The following KRT31 variants were observed in gnomAD, a reference collection of about 807,000 sequenced individuals.
KRT31 encodes the protein keratin 31, also known as keratin, type I cuticular Ha1.
KRT31 carries 27 observed loss-of-function variants against 40.8 expected under a neutral mutation model. The observed-to-expected ratio is 0.66, with a 90% CI of 0.49 to 0.91. The LOEUF (loss-of-function observed/expected upper bound fraction) is 0.91, where lower values mean the gene tolerates loss of function less well. Ranked by LOEUF, KRT31 falls within the 40% of genes least tolerant of loss-of-function variation. The pLI, the probability that KRT31 is intolerant of heterozygous loss-of-function variation, is 0.00. For missense variants in KRT31, 510 were observed against 544.1 expected, an observed-to-expected ratio of 0.94 and a Z score of 0.62; for synonymous variants, 231 against 231.9, an observed-to-expected ratio of 1.00 and a Z score of 0.03.
rs755526131 is a variant in KRT31 at position 41,393,801 on chromosome 17, T to C, written c.*215A>G. 5.6e-6 allele frequency: 3 copies of C among 538,316 alleles called. No homozygotes were observed. The highest frequency in any genetic ancestry group is 9.7e-6 in the Non-Finnish European group (3 of 310,650). 33.3% of individuals were successfully genotyped at this position (538,316 alleles called of 1,614,324 possible). The stretch of plus-strand genomic sequence containing the variant: ...CATCAGAGAGTTCTCTGGGTGAGCA[T>C]AGGAAGGAACAGACCCCCAGGAAGG... On this transcript the variant is annotated 3_prime_UTR_variant, in exon 7 of 7. Coordinates refer to ENST00000251645, the MANE Select transcript of KRT31 (RefSeq NM_002277.3).
In KRT31 at chr17:41,396,356, T is replaced by C. The variant is rs1047883466; in HGVS notation, c.588+64A>G. 2.0e-6 allele frequency: 3 copies of C among 1,530,248 alleles called. No homozygotes were observed. In the African/African-American group the frequency reaches 4.1e-5, roughly 21 times the overall value. 94.8% of individuals were successfully genotyped at this position (1,530,248 alleles called of 1,614,324 possible). A position where few individuals can be genotyped will look rare whatever the true frequency, so the allele number is the denominator to read the frequency against. ...ATACTCTGCATTCTGCTGCCCCAAATCACTAAAGCAACCCTGAGCCAGAGG... is the reference window on the plus strand; with the variant it reads ...ATACTCTGCATTCTGCTGCCCCAAACCACTAAAGCAACCCTGAGCCAGAGG... On this transcript the variant is annotated intron_variant, in intron 3 of 6. Coordinates refer to ENST00000251645, the MANE Select transcript of KRT31 (RefSeq NM_002277.3).
In KRT31 at chr17:41,397,374, C is replaced by G. The variant is rs2018249433; in HGVS notation, c.166G>C (p.Glu56Gln). 1 of 1,613,250 alleles carries G rather than the reference C, an allele frequency of 6.2e-7. No homozygotes were observed. Among genetic ancestry groups the G allele is most frequent in the Non-Finnish European group, 8.5e-7 (1 of 1,180,056 alleles). Residue 56 changes from glutamate to glutamine, a missense_variant, in exon 1 of 7, where the codon GAG becomes CAG. Physicochemically the swap from Glu to Gln is conservative, Grantham distance 29 (BLOSUM62 2). Transcript: ENST00000251645. ...WFCEGSFNGS[E>Q]KETMQFLNDR... ...TTCAGGAACTGCATAGTCTCCTTCT[C>G]GCTACCATTGAAGGAGCCCTCGCAG... is the stretch of plus-strand genomic sequence containing the variant.
intron 6 of KRT31, among the ~76,000 whole-genome samples, 197 bp downstream of exon 6, chr17:41,394,651 T>C (rs2018186703): frequency 1.3e-5 from 2 of 152,212 alleles, no homozygotes; most frequent in African/African-American, 2.4e-5. Flanking sequence ...GCAATTTCAG[T>C]TTGTACATCA....
Position 41,394,137 on chromosome 17 carries a change from G to A in KRT31, c.1130C>T (p.Ala377Val), listed in dbSNP as rs34293483. 1,042 of 1,612,432 alleles carry A rather than the reference G, an allele frequency of 6.5e-4. 5 individuals carry two copies. The African/African-American group carries it at 0.012, about 18-fold the overall frequency. The change falls in exon 7 of 7, where the codon GCG becomes GTG. Residue 377 changes from alanine to valine, a missense_variant. Physicochemically the swap from Ala to Val is moderately conservative, Grantham distance 64 (BLOSUM62 0). Coordinates refer to ENST00000251645, the MANE Select transcript of KRT31 (RefSeq NM_002277.3). Reference protein sequence around the residue: ...LPSNPCATTNACSKPIGPCLS... With the variant: ...LPSNPCATTNVCSKPIGPCLS... ...ACAGGGTCCGATGGGCTTGCTGCAC[G>A]CGTTGGTCGTGGCACAGGGATTGCT...
At chr17:41,394,236 T>A in intron 6 of KRT31, 67 bp from the exon 7 acceptor site, 2 of 1,562,872 alleles carry the variant, frequency 1.3e-6, no homozygotes, top group Non-Finnish European at 1.8e-6. Context: ...GCCAGAGATA[T>A]CCCCAAGGGT....
intron 5 of KRT31, 30 bp downstream of exon 5, chr17:41,395,215 C>T (rs777175784): frequency 1.2e-5 from 19 of 1,612,278 alleles, no homozygotes; most frequent in African/African-American, 6.7e-5. Flanking sequence ...AAGTTCCCGT[C>T]GCTCACCAGC....
chr17:41,397,342 G>A lies in KRT31; in HGVS notation c.198C>T (p.Arg66=), dbSNP rs2144360511. 2 of 1,613,870 alleles carry A rather than the reference G, an allele frequency of 1.2e-6. No individual in the cohort carries two copies. The highest frequency in any genetic ancestry group is 2.7e-5 in the African/African-American group (2 of 75,062). The change falls in exon 1 of 7, where the codon CGC becomes CGT. Residue 66 remains arginine, a synonymous_variant. Transcript: ENST00000251645. ...GCACTTTCTCCAGGTAGCTGGCCAG[G>A]CGGTCGTTCAGGAACTGCATAGTCT... ...EKETMQFLND[R]LASYLEKVRQ... is the part of the protein sequence containing the mutation.
Position 41,394,024 on chromosome 17 carries a change from C to G in KRT31, c.1243G>C (p.Val415Leu), listed in dbSNP as rs757305941. The G allele has an allele frequency of 1.2e-6, 2 of 1,612,936 alleles. No homozygotes were observed. The highest frequency in any genetic ancestry group is 1.7e-6 in the Non-Finnish European group (2 of 1,179,766). ...RPRCGPCNSF[V>L]R Reference sequence around the variant, plus strand: ...CTGGCATTCCCTAGGTTCTAGCGCACGAAGGAATTGCAGGGCCCACAGCGG... The same window carrying G: ...CTGGCATTCCCTAGGTTCTAGCGCAGGAAGGAATTGCAGGGCCCACAGCGG... Residue 415 changes from valine (V) to leucine (L), a missense_variant, in exon 7 of 7, where the codon GTG becomes CTG. Val to Leu is a conservative substitution (Grantham distance 32). Transcript: ENST00000251645.
intron 6 of KRT31, among the ~76,000 whole-genome samples, chr17:41,394,403 C>A (rs2018183797): frequency 6.6e-6 from 1 of 152,160 alleles, no homozygotes; most frequent in African/African-American, 2.4e-5. Context: ...ACTCTCAAAT[C>A]CATTCATGCC....
chr17:41,396,887 A>G (rs759321355), intron 2 of KRT31, 26 bp downstream of exon 2: 2 of 1,564,886 alleles, frequency 1.3e-6, no homozygotes, highest in Non-Finnish European at 1.8e-6. Context: ...AGCAATTGAC[A>G]CTAGTGCAAA....
rs1158170484 is a variant in KRT31 at position 41,397,002 on chromosome 17, A to G, written c.349-7T>C. ...CAGACTTGGTACACAGGATCTGGGGAGTGAGAGGTGGCTTAGTGAGGACTG... is the reference window on the plus strand; with the variant it reads ...CAGACTTGGTACACAGGATCTGGGGGGTGAGAGGTGGCTTAGTGAGGACTG... On this transcript the variant is annotated splice_polypyrimidine_tract_variant and splice_region_variant and intron_variant, in intron 1 of 6. Coordinates refer to ENST00000251645, the MANE Select transcript of KRT31 (RefSeq NM_002277.3). 5 of 1,612,030 alleles carry G rather than the reference A, an allele frequency of 3.1e-6. No homozygotes were observed. The highest frequency in any genetic ancestry group is 4.2e-6 in the Non-Finnish European group (5 of 1,178,328).
At chr17:41,396,292 A>G (rs739682) in intron 3 of KRT31, 128 bp downstream of exon 3, 211,846 of 832,868 alleles carry the variant, frequency 0.25, 27,677 homozygotes, top group East Asian at 0.35. Flanking sequence ...TTTTTCTCTT[A>G]CCGTGATGTT....
In KRT31 at chr17:41,397,000, G is replaced by A. The variant is rs751255702; in HGVS notation, c.349-5C>T. The A allele has an allele frequency of 3.1e-6, 5 of 1,612,606 alleles. No individual in the cohort carries two copies. The East Asian group carries it at 8.9e-5, about 29-fold the overall frequency. On this transcript the variant is annotated splice_polypyrimidine_tract_variant and splice_region_variant and intron_variant, in intron 1 of 6. Transcript: ENST00000251645. Reference sequence around the variant, plus strand: ...CTCAGACTTGGTACACAGGATCTGGGGAGTGAGAGGTGGCTTAGTGAGGAC... The same window carrying A: ...CTCAGACTTGGTACACAGGATCTGGAGAGTGAGAGGTGGCTTAGTGAGGAC...
At chr17:41,395,668 T>C in intron 3 of KRT31, 45 bp from the exon 4 acceptor site, 1 of 1,590,830 alleles carries the variant, frequency 6.3e-7, no homozygotes, top group South Asian at 1.1e-5. Context: ...CAGCAAAGAA[T>C]GAACTCTAAG....
Position 41,397,473 on chromosome 17 carries a change from G to T in KRT31, c.67C>A (p.Pro23Thr). The change falls in exon 1 of 7, where the codon CCC (proline) becomes ACC (threonine). Residue 23 changes from proline to threonine, a missense_variant. Transcript: ENST00000251645. ...AGGGTGCAGCTGTGGCAGCTGGGGGGCACGCAGGGCCGGGAGGAGCAGCTG... is the reference window on the plus strand; with the variant it reads ...AGGGTGCAGCTGTGGCAGCTGGGGGTCACGCAGGGCCGGGAGGAGCAGCTG... ...RTSCSSRPCV[P>T]PSCHSCTLPG... The T allele has an allele frequency of 6.2e-7, 1 of 1,613,176 alleles. No individual in the cohort carries two copies. Among genetic ancestry groups the T allele is most frequent in the South Asian group, 1.1e-5 (1 of 91,024 alleles).
Position 41,395,256 on chromosome 17 carries a change from G to C in KRT31, c.865C>G (p.Gln289Glu). The stretch of plus-strand genomic sequence containing the variant: ...TGAACAATACACACCAGGTTGTGCT[G>C]GGCCTGCAGCTCGATCTCCAGGGCG... ...VNALEIELQA[Q>E]HNLRDSLENT... is the part of the protein sequence containing the mutation. The change falls in exon 5 of 7, where the codon CAG becomes GAG. Residue 289 changes from glutamine to glutamate, a missense_variant. Gln to Glu is a conservative substitution (Grantham distance 29). Coordinates refer to ENST00000251645, the MANE Select transcript of KRT31 (RefSeq NM_002277.3). The C allele has an allele frequency of 3.1e-6, 5 of 1,612,728 alleles. No homozygotes were observed. The highest frequency in any genetic ancestry group is 3.4e-6 in the Non-Finnish European group (4 of 1,180,040).
At position 41,397,324 on chromosome 17, in the gene KRT31, C is replaced by T. The variant is rs750804053; in HGVS notation, c.216G>A (p.Glu72=). Reference sequence around the variant, plus strand: ...TGTCCCGCTCCAGCTGACGCACTTTCTCCAGGTAGCTGGCCAGGCGGTCGT... The same window carrying T: ...TGTCCCGCTCCAGCTGACGCACTTTTTCCAGGTAGCTGGCCAGGCGGTCGT... ...FLNDRLASYL[E]KVRQLERDNA... Residue 72 remains glutamate, a synonymous_variant, in exon 1 of 7, where the codon GAG becomes GAA. Coordinates refer to ENST00000251645, the MANE Select transcript of KRT31 (RefSeq NM_002277.3). 6.2e-7 allele frequency: 1 copy of T among 1,614,144 alleles called. No homozygotes were observed. Among genetic ancestry groups the T allele is most frequent in the South Asian group, 1.1e-5 (1 of 91,074 alleles).
chr17:41,393,815 C>A lies in KRT31; in HGVS notation c.*201G>T. The A allele has an allele frequency of 3.5e-6, 2 of 565,740 alleles. No individual in the cohort carries two copies. Among genetic ancestry groups the A allele is most frequent in the South Asian group, 4.7e-5 (2 of 42,376 alleles). The allele number at this position is 565,740 out of a possible 1,614,324, so 35.0% of individuals were successfully genotyped here. On this transcript the variant is annotated 3_prime_UTR_variant, in exon 7 of 7. Coordinates refer to ENST00000251645, the MANE Select transcript of KRT31 (RefSeq NM_002277.3). The stretch of plus-strand genomic sequence containing the variant: ...CTGGGTGAGCATAGGAAGGAACAGA[C>A]CCCCAGGAAGGAAAGGGTGAGCAGG...
At chr17:41,395,655 G>T in intron 3 of KRT31, 32 bp from the exon 4 acceptor site, 1 of 1,601,416 alleles carries the variant, frequency 6.2e-7, no homozygotes, top group Non-Finnish European at 8.5e-7. Context: ...GAGTTACTAT[G>T]CTCAGCAAAG....
Sources: gnomAD v4.1 joint callset for allele counts (sites outside exome capture counted in the v4.1 genomes callset) on GRCh38, gnomAD v4.1.1 for gene constraint, MANE v1.5 for transcripts, NCBI Gene and HGNC (gene_info 2026-07-23, HGNC 2026-07-21) for gene names.